The following PCDHGB2 variants were observed in gnomAD, a reference collection of about 807,000 sequenced individuals.
PCDHGB2 encodes protocadherin gamma-B2.
A neutral mutation model predicts 59.3 loss-of-function variants in PCDHGB2; 55 were observed. The observed-to-expected ratio is 0.93, with a 90% CI of 0.75 to 1.16. The LOEUF is 1.16. PCDHGB2 is among the 50% of genes most tolerant of loss of function. The pLI, the probability that PCDHGB2 is intolerant of heterozygous loss-of-function variation, is 0.00. For synonymous variants in PCDHGB2, 516 were observed against 512.0 expected, an observed-to-expected ratio of 1.01 and a Z score of -0.11; for missense variants, 1,228 against 1,198.5, an observed-to-expected ratio of 1.02 and a Z score of -0.36.
chr5:141,361,046 A>G lies in PCDHGB2; in HGVS notation c.911A>G (p.Lys304Arg). The G allele has an allele frequency of 6.2e-7, 1 of 1,613,710 alleles. No homozygotes were observed. Among genetic ancestry groups the G allele is most frequent in the East Asian group, 2.2e-5 (1 of 44,890 alleles). The change falls in exon 1 of 4, where the codon AAG (lysine) becomes AGG (arginine). Residue 304 changes from lysine (K) to arginine (R), a missense_variant. Around this residue, in one of 3 missense-constraint regions of PCDHGB2, gnomAD observed 781 missense variants for 721.6 expected, o/e 1.08. Coordinates refer to ENST00000522605, the MANE Select transcript of PCDHGB2 (RefSeq NM_018923.3). The part of the protein sequence containing the change: ...LNEKTGEITT[K>R]DDLDFEIASS... ...GAAAAAACAGGAGAAATCACGACAA[A>G]GGATGATTTGGATTTTGAGATTGCA...
rs777115265 is a variant in PCDHGB2, at chr5:141,485,247, G to C, written c.2422-9560G>C. ...CTTTTGTTCCTCTTTTACCACCTGG[G>C]TTACGTTTGTGGGCAGATCCGCTAC... On this transcript the variant is annotated intron_variant, in intron 1 of 3. Coordinates refer to ENST00000522605, the MANE Select transcript of PCDHGB2 (RefSeq NM_018923.3). This position sits in a 1 kb window ranked among gnomAD's most constrained non-coding sequence, Gnocchi z 5.7. 8.7e-6 allele frequency: 14 copies of C among 1,614,156 alleles called. No homozygotes were observed. In the African/African-American group the frequency reaches 1.6e-4, roughly 18 times the overall value.
chr5:141,361,241 T>TA lies in PCDHGB2; in HGVS notation c.1111dup (p.Thr371AsnfsTer78). The TA allele has an allele frequency of 6.2e-7, 1 of 1,613,960 alleles. No individual in the cohort carries two copies. The highest frequency in any genetic ancestry group is 1.1e-5 in the South Asian group (1 of 91,086). On this transcript the variant is annotated frameshift_variant, in exon 1 of 4. Transcript: ENST00000522605. LOFTEE classifies it high-confidence loss of function. ...CCACCAGGAACAGTGATCGCCTTGA[T>TA]AAAAACGAGAGACAGAGACTCTGGA... is the stretch of plus-strand genomic sequence containing the variant.
chr5:141,427,664 C>T (rs760682962), intron 1 of PCDHGB2: 11 of 775,778 alleles, frequency 1.4e-5, no homozygotes, highest in East Asian at 1.0e-4. Context: ...TCCACGTGGC[C>T]GAAAACAACC....
intron 1 of PCDHGB2, chr5:141,424,133 T>C: frequency 2.2e-6 from 1 of 450,350 alleles, no homozygotes; most frequent in South Asian, 9.6e-5. Flanking sequence ...GTTGATTTAA[T>C]AGCATGCTCC....
Position 141,432,465 on chromosome 5 carries a change from C to G in PCDHGB2, c.2422-62342C>G. ...GAGATCCTGTACCCCGCCCTCCCCACGGACGGTTCCACTGGCGTGGAGCTG... is the reference window on the plus strand; with the variant it reads ...GAGATCCTGTACCCCGCCCTCCCCAGGGACGGTTCCACTGGCGTGGAGCTG... On this transcript the variant is annotated intron_variant, in intron 1 of 3. Transcript: ENST00000522605. The surrounding 1 kb of genome is among the most constrained non-coding windows in gnomAD (Gnocchi z 6.0). The G allele has an allele frequency of 6.2e-7, 1 of 1,614,222 alleles. No individual in the cohort carries two copies. Among genetic ancestry groups the G allele is most frequent in the Non-Finnish European group, 8.5e-7 (1 of 1,180,050 alleles).
At chr5:141,385,309 C>G (rs774342510) in intron 1 of PCDHGB2, 1 of 1,612,276 alleles carries the variant, frequency 6.2e-7, no homozygotes, top group South Asian at 1.1e-5. Flanking sequence ...TAAAGAAAAC[C>G]TGCCAAGTAT....
intron 1 of PCDHGB2, chr5:141,387,595 A>C (rs191053839): frequency 6.0e-5 from 32 of 532,776 alleles, no homozygotes; most frequent in Admixed American, 2.6e-4. Flanking sequence ...AACTTGAAGC[A>C]GCAGAGGCTG....
chr5:141,398,689 G>T, intron 1 of PCDHGB2: 1 of 1,613,766 alleles, frequency 6.2e-7, no homozygotes, highest in Non-Finnish European at 8.5e-7. Context: ...GAAACAGGAT[G>T]GTAGTAAATA....
intron 1 of PCDHGB2, 64 bp downstream of exon 1, chr5:141,362,620 T>G (rs763103959): frequency 6.5e-7 from 1 of 1,527,082 alleles, no homozygotes; most frequent in Non-Finnish European, 8.8e-7. Context: ...GGGTAGGAAG[T>G]TCCACTGCGT....
chr5:141,415,081 C>A, intron 1 of PCDHGB2: 2 of 1,613,522 alleles, frequency 1.2e-6, no homozygotes, highest in Non-Finnish European at 1.7e-6. Flanking sequence ...GGCGCGAGCC[C>A]TGCTGGACAG....
intron 1 of PCDHGB2, chr5:141,423,080 T>C: frequency 6.2e-7 from 1 of 1,614,050 alleles, no homozygotes; most frequent in East Asian, 2.2e-5. Flanking sequence ...CCGGGACTCT[T>C]CGCGGTGGGG....
At position 141,361,190 on chromosome 5, in the gene PCDHGB2, T is replaced by C. The variant is rs1390413762; in HGVS notation, c.1055T>C (p.Val352Ala). Reference protein sequence around the residue: ...DCAPEVIVTSVSTPLPEDSPP... With the variant: ...DCAPEVIVTSASTPLPEDSPP... ...GCACCTGAAGTTATTGTGACTTCAG[T>C]ATCTACTCCCCTACCGGAGGATTCG... The change falls in exon 1 of 4, where the codon GTA becomes GCA. Residue 352 changes from valine (V) to alanine (A), a missense_variant. By Grantham distance (64) the Val-to-Ala change is moderately conservative. Around this residue, in one of 3 missense-constraint regions of PCDHGB2, gnomAD observed 781 missense variants for 721.6 expected, o/e 1.08. Transcript: ENST00000522605. 6.2e-7 allele frequency: 1 copy of C among 1,613,846 alleles called. No homozygotes were observed. The highest frequency in any genetic ancestry group is 1.7e-5 in the Admixed American group (1 of 60,012).
At chr5:141,372,205 T>C (rs750507972) in intron 1 of PCDHGB2, 2 of 1,613,426 alleles carry the variant, frequency 1.2e-6, no homozygotes, top group African/African-American at 2.7e-5. Context: ...AACGCCTGGC[T>C]GTCCTACCAC....
At chr5:141,439,523 T>A (rs2098118339) in intron 1 of PCDHGB2, among the ~76,000 whole-genome samples, 1 of 152,202 alleles carries the variant, frequency 6.6e-6, no homozygotes, top group African/African-American at 2.4e-5. Context: ...CAACTAACTC[T>A]ACAGAACGCT....
intron 1 of PCDHGB2, chr5:141,479,196 C>T (rs2099489838): frequency 2.0e-5 from 3 of 152,432 alleles, no homozygotes; most frequent in African/African-American, 7.2e-5. Context: ...TCAGAAAATA[C>T]AGAAAAGTAT....
chr5:141,414,283 G>A, intron 1 of PCDHGB2: 1 of 1,613,520 alleles, frequency 6.2e-7, no homozygotes, highest in South Asian at 1.1e-5. Flanking sequence ...GGGAACAGTC[G>A]TAGCCCTTTT....
At chr5:141,408,578 G>A (rs775312574) in intron 1 of PCDHGB2, 3 of 1,613,928 alleles carry the variant, frequency 1.9e-6, no homozygotes, top group African/African-American at 1.3e-5. Flanking sequence ...GATTGAGGAT[G>A]TTAATGACCA....
rs751567991 is a variant in PCDHGB2 at position 141,398,180 on chromosome 5, T to C, written c.2421+35624T>C. ...CGGGCTGAGAGGCTGCCAGTGCTCT[T>C]TCTCTTCCTGCTGTCTTTGTTCTGC... On this transcript the variant is annotated intron_variant, in intron 1 of 3. Coordinates refer to ENST00000522605, the MANE Select transcript of PCDHGB2 (RefSeq NM_018923.3). 3 of 1,473,764 alleles carry C rather than the reference T, an allele frequency of 2.0e-6. No individual in the cohort carries two copies. The African/African-American group carries it at 4.3e-5, about 21-fold the overall frequency. The allele number at this position is 1,473,764 out of a possible 1,614,324, so 91.3% of individuals were successfully genotyped here. A position where few individuals can be genotyped will look rare whatever the true frequency, so the allele number is the denominator to read the frequency against.
intron 1 of PCDHGB2, chr5:141,479,269 A>G (rs1279389471): frequency 6.6e-6 from 1 of 152,374 alleles, no homozygotes; most frequent in African/African-American, 2.4e-5. Flanking sequence ...TAAAAGTAAT[A>G]ATTTATTTCA....
Sources: gnomAD v4.1 joint callset for allele counts (sites outside exome capture counted in the v4.1 genomes callset) on GRCh38, gnomAD v4.1.1 for gene constraint, gnomAD v4.1.1 regional missense constraint, Gnocchi (gnomAD v3.1) non-coding constraint, MANE v1.5 for transcripts, NCBI Gene and HGNC (gene_info 2026-07-23, HGNC 2026-07-21) for gene names.